The following FBLN1 variants were observed in gnomAD, a reference collection of about 807,000 sequenced individuals.
FBLN1 encodes the protein fibulin 1.
Under a neutral mutation model 89.7 loss-of-function variants are expected in FBLN1, and 34 were observed. The ratio of observed to expected loss-of-function variants is 0.38; its 90% confidence interval spans 0.29 to 0.50. The LOEUF (loss-of-function observed/expected upper bound fraction) is 0.50. Among genes scored for constraint, FBLN1 ranks in the 20% least tolerant of loss-of-function variants. FBLN1 has a pLI of 0.92. For synonymous variants in FBLN1, 393 were observed against 391.3 expected, an observed-to-expected ratio of 1.00 and a Z score of -0.05; for missense variants, 777 against 988.1, an observed-to-expected ratio of 0.79 and a Z score of 2.86.
rs1230264337 is a variant in FBLN1 at position 45,563,701 on chromosome 22, G to A, written c.1698-10810G>A. 2.0e-5 allele frequency among the ~76,000 whole-genome samples: 3 copies of A among 152,360 alleles called. No individual in the cohort carries two copies. Among genetic ancestry groups the A allele is most frequent in the African/African-American group, 7.2e-5 (3 of 41,582 alleles). On this transcript the variant is annotated intron_variant, in intron 14 of 16. Transcript: ENST00000327858. This position sits in a 1 kb window ranked among gnomAD's most constrained non-coding sequence, Gnocchi z 5.7. The stretch of plus-strand genomic sequence containing the variant: ...AACTGAGGCCCAGAGAGAAGGGGAA[G>A]GGTTGGCCAGGGTCGTCTGGCCTGC...
At chr22:45,543,591 C>T (rs371708304) in intron 11 of FBLN1, 65 bp downstream of exon 11, 9 of 1,583,976 alleles carry the variant, frequency 5.7e-6, no homozygotes, top group Non-Finnish European at 6.9e-6. Context: ...AGCCACCCTT[C>T]TGCAGACCGG....
At chr22:45,567,627 A>T (rs1234661177) in intron 14 of FBLN1, among the ~76,000 whole-genome samples, 5 of 152,160 alleles carry the variant, frequency 3.3e-5, no homozygotes, top group Non-Finnish European at 7.4e-5. Context: ...GAAAAAAGAT[A>T]TGCAAAACGT....
intron 14 of FBLN1, chr22:45,564,819 T>C: frequency 6.2e-7 from 1 of 1,600,266 alleles, no homozygotes; most frequent in Admixed American, 1.7e-5. Flanking sequence ...CAGATGACTC[T>C]GCCAGCCCTG....
intron 16 of FBLN1, among the ~76,000 whole-genome samples, chr22:45,585,040 G>A (rs1231802961): frequency 6.6e-6 from 1 of 152,228 alleles, no homozygotes; most frequent in East Asian, 1.9e-4. Context: ...AGCATCCATA[G>A]CATCCTGCCA....
intron 1 of FBLN1, among the ~76,000 whole-genome samples, chr22:45,505,834 T>C (rs1352165898): frequency 6.6e-6 from 1 of 152,178 alleles, no homozygotes; most frequent in South Asian, 2.1e-4. Flanking sequence ...TGCAATGGCA[T>C]GATCTCGACT....
At chr22:45,564,181 G>C (rs1275342177) in intron 14 of FBLN1, among the ~76,000 whole-genome samples, 1 of 151,828 alleles carries the variant, frequency 6.6e-6, no homozygotes, top group South Asian at 2.1e-4. Context: ...CCTCCACTGA[G>C]GGCCTTAACC....
intron 3 of FBLN1, among the ~76,000 whole-genome samples, chr22:45,527,301 C>G (rs769415814): frequency 8.5e-5 from 13 of 152,212 alleles, no homozygotes; most frequent in Non-Finnish European, 1.8e-4. Context: ...TGGCAGACAG[C>G]CACCCTGTCC....
At position 45,588,871 on chromosome 22, in the gene FBLN1, G is replaced by A. The variant is rs932994140; in HGVS notation, c.1973-11436G>A. On this transcript the variant is annotated intron_variant, in intron 16 of 16. Coordinates refer to ENST00000327858, the MANE Select transcript of FBLN1 (RefSeq NM_006486.3). This position sits in a 1 kb window ranked among gnomAD's most constrained non-coding sequence, Gnocchi z 5.1. ...AATCTTTTGGCGGCCTCTCCTAACC[G>A]TCTTTAAATCTGCGAAAGGATCTCA... Among the ~76,000 whole-genome samples, 1 of 149,870 alleles carries A rather than the reference G, an allele frequency of 6.7e-6. No homozygotes were observed. Among genetic ancestry groups the A allele is most frequent in the African/African-American group, 2.5e-5 (1 of 40,604 alleles).
At chr22:45,544,943 G>C (rs1486521209) in intron 11 of FBLN1, among the ~76,000 whole-genome samples, 1 of 152,190 alleles carries the variant, frequency 6.6e-6, no homozygotes, top group Non-Finnish European at 1.5e-5. Context: ...GCTTTGGATG[G>C]CCCTCCACAA....
At chr22:45,546,791 G>A (rs1364547994) in intron 11 of FBLN1, among the ~76,000 whole-genome samples, 2 of 152,242 alleles carry the variant, frequency 1.3e-5, no homozygotes, top group African/African-American at 4.8e-5. Flanking sequence ...TTGAGAACTA[G>A]AATGGACTCT....
Position 45,576,522 on chromosome 22 carries a change from C to T in FBLN1, c.1841-455C>T, listed in dbSNP as rs1262254551. 2.0e-5 allele frequency among the ~76,000 whole-genome samples: 3 copies of T among 152,056 alleles called. No individual in the cohort carries two copies. The highest frequency in any genetic ancestry group is 7.2e-5 in the African/African-American group (3 of 41,386). Reference sequence around the variant, plus strand: ...CACTGTCTGATCTGGGAGATGGACACACACCCCCCAGAGAACCCAGGCCAC... The same window carrying T: ...CACTGTCTGATCTGGGAGATGGACATACACCCCCCAGAGAACCCAGGCCAC... On this transcript the variant is annotated intron_variant, in intron 15 of 16. Coordinates refer to ENST00000327858, the MANE Select transcript of FBLN1 (RefSeq NM_006486.3). This position sits in a 1 kb window ranked among gnomAD's most constrained non-coding sequence, Gnocchi z 5.2.
At chr22:45,582,122 C>T (rs1569265226) in intron 16 of FBLN1, among the ~76,000 whole-genome samples, 1 of 152,300 alleles carries the variant, frequency 6.6e-6, no homozygotes, top group East Asian at 1.9e-4. Context: ...ATCTCCCAGC[C>T]AGGAAGTGTT....
intron 14 of FBLN1, among the ~76,000 whole-genome samples, chr22:45,555,064 C>T (rs2088764074): frequency 6.6e-6 from 1 of 150,608 alleles, no homozygotes; most frequent in African/African-American, 2.5e-5. Context: ...GTCTCCACCG[C>T]AGGAGGTTAG....
rs771539483 is a variant in FBLN1, at chr22:45,574,597, C to T, written c.1784C>T (p.Thr595Ile). ...DVTCVFDPVH[T>I]ISHTVISLPT... ...ACATGCGTGTTCGACCCCGTGCACACCATCTCCCACACCGTCATCTCGCTG... is the reference window on the plus strand; with the variant it reads ...ACATGCGTGTTCGACCCCGTGCACATCATCTCCCACACCGTCATCTCGCTG... Residue 595 changes from threonine to isoleucine, a missense_variant, in exon 15 of 17, where the codon ACC (threonine) becomes ATC (isoleucine). Physicochemically the swap from Thr to Ile is moderately conservative, Grantham distance 89. Transcript: ENST00000327858. This position sits in a 1 kb window ranked among gnomAD's most constrained non-coding sequence, Gnocchi z 4.1. 6.2e-6 allele frequency: 10 copies of T among 1,614,024 alleles called. No homozygotes were observed. The East Asian group carries it at 8.9e-5, about 14-fold the overall frequency.
chr22:45,593,046 A>G (rs1228870704), intron 16 of FBLN1, among the ~76,000 whole-genome samples: 2 of 152,092 alleles, frequency 1.3e-5, no homozygotes, highest in Non-Finnish European at 2.9e-5. Flanking sequence ...TGACGTGCCC[A>G]AGGTCACACA....
chr22:45,580,583 G>T lies in FBLN1; in HGVS notation c.1972+3475G>T, dbSNP rs934536195. Among the ~76,000 whole-genome samples the T allele has an allele frequency of 5.3e-5, 8 of 152,256 alleles. No homozygotes were observed. Among genetic ancestry groups the T allele is most frequent in the African/African-American group, 1.9e-4 (8 of 41,470 alleles). On this transcript the variant is annotated intron_variant, in intron 16 of 16. Transcript: ENST00000327858. The surrounding 1 kb of genome is among the most constrained non-coding windows in gnomAD (Gnocchi z 8.6). Reference sequence around the variant, plus strand: ...AAGGAGAGAGCGAGAGCCAGAGAGGGCAAGAGATTTGCCCGAGGCCACTCA... The same window carrying T: ...AAGGAGAGAGCGAGAGCCAGAGAGGTCAAGAGATTTGCCCGAGGCCACTCA...
chr22:45,558,017 A>G (rs903754303), intron 14 of FBLN1: 1 of 714,330 alleles, frequency 1.4e-6, no homozygotes, highest in South Asian at 1.5e-5. Flanking sequence ...TGGTGCCTGC[A>G]TATCGTGCAG....
Position 45,561,134 on chromosome 22 carries a change from A to G in FBLN1, c.1697+10519A>G, listed in dbSNP as rs1602210342. Among the ~76,000 whole-genome samples, 1 of 152,130 alleles carries G rather than the reference A, an allele frequency of 6.6e-6. No homozygotes were observed. On this transcript the variant is annotated intron_variant, in intron 14 of 16. Coordinates refer to ENST00000327858, the MANE Select transcript of FBLN1 (RefSeq NM_006486.3). This position sits in a 1 kb window ranked among gnomAD's most constrained non-coding sequence, Gnocchi z 4.7. Reference sequence around the variant, plus strand: ...AGTTGCAGGGTCCCATTCTTTTTCAATCAATGCCCTCACTTTAACAGCAGA... The same window carrying G: ...AGTTGCAGGGTCCCATTCTTTTTCAGTCAATGCCCTCACTTTAACAGCAGA...
rs575517015 is a variant in FBLN1, at chr22:45,552,222, A to C, written c.1697+1607A>C. Among the ~76,000 whole-genome samples the C allele has an allele frequency of 2.4e-3, 366 of 152,224 alleles. 3 individuals are homozygous for C. Among genetic ancestry groups the C allele is most frequent in the African/African-American group, 8.6e-3 (357 of 41,546 alleles). On this transcript the variant is annotated intron_variant, in intron 14 of 16. Coordinates refer to ENST00000327858, the MANE Select transcript of FBLN1 (RefSeq NM_006486.3). ...AGGGGACCCCACCTGGCTGGGCGTG[A>C]GGGTGGGCAGGGGGCTGTCTGGAGT...
Sources: allele counts gnomAD v4.1 joint callset (sites outside exome capture counted in the v4.1 genomes callset), GRCh38; gene constraint gnomAD v4.1.1; non-coding constraint Gnocchi (gnomAD v3.1); transcripts MANE v1.5; gene names NCBI Gene and HGNC (gene_info 2026-07-23, HGNC 2026-07-21).